The following MCC variants were observed in gnomAD, a reference collection of about 807,000 sequenced individuals.
MCC encodes colorectal mutant cancer protein.
A neutral mutation model predicts 116.2 loss-of-function variants in MCC; 90 were observed. The observed-to-expected ratio is 0.77, with a 90% confidence interval of 0.65 to 0.92. The LOEUF (loss-of-function observed/expected upper bound fraction) is 0.92. MCC is among the 40% of genes least tolerant of loss of function. MCC has a pLI of 0.00. For synonymous variants in MCC, 578 were observed against 510.5 expected (o/e 1.13, Z -1.78); for missense variants, 1,516 against 1,312.2 (o/e 1.16, Z -2.40).
At chr5:113,037,920 C>A (rs1415716572) in intron 17 of MCC, among the ~76,000 whole-genome samples, 1 of 152,164 alleles carries the variant, frequency 6.6e-6, no homozygotes, top group African/African-American at 2.4e-5. Flanking sequence ...TAGGGACCTA[C>A]GGACAATCTT....
chr5:113,285,511 T>C (rs1373083056), intron 3 of MCC, among the ~76,000 whole-genome samples: 2 of 152,096 alleles, frequency 1.3e-5, no homozygotes, highest in African/African-American at 4.8e-5. Context: ...ACTCTCCCCC[T>C]GCTCACTCTG....
At chr5:113,367,629 T>TGG (rs796884870) in intron 2 of MCC, among the ~76,000 whole-genome samples, 4,015 of 50,942 alleles carry the variant, frequency 0.079, 116 homozygotes, top group Non-Finnish European at 0.091. Flanking sequence ...AGGCAGAGGG[T>TGG]GGGGGGGGGG....
intron 5 of MCC, among the ~76,000 whole-genome samples, chr5:113,124,914 G>A (rs971586714): frequency 2.4e-4 from 37 of 152,218 alleles, no homozygotes; most frequent in Admixed American, 1.3e-4. Flanking sequence ...CTGCCAGTGG[G>A]GAGTGACCAA....
chr5:113,282,995 T>C (rs771471433), intron 3 of MCC, among the ~76,000 whole-genome samples: 5 of 152,232 alleles, frequency 3.3e-5, no homozygotes, highest in Non-Finnish European at 5.9e-5. Context: ...CTTAACTCTG[T>C]GCCTGCCTGA....
At chr5:113,261,217 C>T (rs1765208089) in intron 3 of MCC, among the ~76,000 whole-genome samples, 1 of 152,156 alleles carries the variant, frequency 6.6e-6, no homozygotes, top group Admixed American at 6.6e-5. Context: ...AGTTGGGCAA[C>T]ATCATCTAAC....
At position 113,433,316 on chromosome 5, in the gene MCC, G is replaced by A. The variant is rs74356095; in HGVS notation, c.171-48104C>T. 1,401 of 280,914 alleles carry A rather than the reference G, an allele frequency of 5.0e-3. 24 individuals are homozygous for A. Among genetic ancestry groups the A allele is most frequent in the African/African-American group, 0.03 (1,320 of 43,498 alleles). 17.4% of individuals were successfully genotyped at this position (280,914 alleles called of 1,614,324 possible). On this transcript the variant is annotated intron_variant, in intron 1 of 18. Coordinates refer to ENST00000408903, the MANE Select transcript of MCC (RefSeq NM_001085377.2). ...GGTCCCCTGACCCTCAGTCTGGCCC[G>A]GTCTGGCCTCCCAGCAGGGTCACGC... is the stretch of plus-strand genomic sequence containing the variant.
intron 1 of MCC, among the ~76,000 whole-genome samples, chr5:113,396,511 C>G (rs1407861337): frequency 6.6e-6 from 1 of 151,798 alleles, no homozygotes; most frequent in Non-Finnish European, 1.5e-5. Flanking sequence ...GTGGCACACA[C>G]CTGCAACCCC....
At chr5:113,135,798 C>T (rs550027845) in intron 5 of MCC, among the ~76,000 whole-genome samples, 4 of 152,096 alleles carry the variant, frequency 2.6e-5, no homozygotes, top group Non-Finnish European at 5.9e-5. Context: ...AATCCCAGCA[C>T]TTTGGGAGGC....
chr5:113,226,822 G>C (rs550687879), intron 3 of MCC, among the ~76,000 whole-genome samples: 23 of 152,174 alleles, frequency 1.5e-4, no homozygotes, highest in African/African-American at 5.3e-4. Context: ...TGGGTGAAGA[G>C]GCCTTATAAG....
chr5:113,467,833 A>G (rs1319398792), intron 1 of MCC, among the ~76,000 whole-genome samples: 4 of 152,124 alleles, frequency 2.6e-5, no homozygotes, highest in Non-Finnish European at 5.9e-5. Flanking sequence ...ATGTTCTTGC[A>G]TTTCTTTGTA....
At chr5:113,348,230 C>T (rs1178983114) in intron 2 of MCC, among the ~76,000 whole-genome samples, 1 of 152,022 alleles carries the variant, frequency 6.6e-6, no homozygotes, top group African/African-American at 2.4e-5. Flanking sequence ...CAGATATTTA[C>T]AGAACATTTC....
chr5:113,123,328 A>C (rs1757845092), intron 5 of MCC, among the ~76,000 whole-genome samples: 1 of 152,206 alleles, frequency 6.6e-6, no homozygotes, highest in South Asian at 2.1e-4. Context: ...AGATCAAACT[A>C]GACTTTTTTG....
Position 113,025,693 on chromosome 5 carries a change from T to A in MCC, c.*1609A>T, listed in dbSNP as rs1428920980. On this transcript the variant is annotated 3_prime_UTR_variant, in exon 19 of 19. Coordinates refer to ENST00000408903, the MANE Select transcript of MCC (RefSeq NM_001085377.2). ...GATCAAAGCACCCCAAAGCTGGTCC[T>A]TCTAGACTGATACCAGTTGATCTGT... 1.3e-5 allele frequency: 2 copies of A among 152,182 alleles called. No individual in the cohort carries two copies. The highest frequency in any genetic ancestry group is 2.9e-5 in the Non-Finnish European group (2 of 68,056). The allele number at this position is 152,182 out of a possible 1,614,324, so 9.4% of individuals were successfully genotyped here. A position where few individuals can be genotyped will look rare whatever the true frequency, so the allele number is the denominator to read the frequency against.
chr5:113,376,607 A>G (rs1256559585), intron 2 of MCC, among the ~76,000 whole-genome samples: 8 of 151,254 alleles, frequency 5.3e-5, no homozygotes, highest in Non-Finnish European at 1.2e-4. Flanking sequence ...ACACACACAC[A>G]TATCAGTATT....
At chr5:113,335,283 A>ATGATTACTTTTAC (rs1451181774) in intron 3 of MCC, among the ~76,000 whole-genome samples, 1 of 151,754 alleles carries the variant, frequency 6.6e-6, no homozygotes, top group Non-Finnish European at 1.5e-5. Flanking sequence ...ACAGAGACAA[A>ATGATTACTTTTAC]TGATTACTTT....
chr5:113,069,858 T>C (rs1005531138), intron 12 of MCC, among the ~76,000 whole-genome samples: 4 of 152,228 alleles, frequency 2.6e-5, no homozygotes, highest in Admixed American at 2.0e-4. Context: ...AATGCTGGGA[T>C]TCCAGGCGTG....
chr5:113,100,511 G>A (rs1052510481), intron 8 of MCC, among the ~76,000 whole-genome samples: 9 of 114,114 alleles, frequency 7.9e-5, no homozygotes, highest in South Asian at 2.9e-4. Context: ...TCCTTCTGTC[G>A]CCCAGGCTGG....
intron 1 of MCC, among the ~76,000 whole-genome samples, chr5:113,475,321 G>C (rs1044032875): frequency 6.6e-6 from 1 of 152,176 alleles, no homozygotes; most frequent in Non-Finnish European, 1.5e-5. Flanking sequence ...TCAACTGAGA[G>C]TTACATCAGA....
intron 1 of MCC, among the ~76,000 whole-genome samples, chr5:113,467,345 C>T (rs9686759): frequency 0.72 from 105,551 of 146,992 alleles, 38,399 homozygotes; most frequent in East Asian, 0.88. Context: ...TTAATCCATC[C>T]TGAATTAATT....
Sources: allele counts gnomAD v4.1 joint callset (sites outside exome capture counted in the v4.1 genomes callset), GRCh38; gene constraint gnomAD v4.1.1; transcripts MANE v1.5; gene names NCBI Gene and HGNC (gene_info 2026-07-23, HGNC 2026-07-21).